Variants in USP2 observed in about 807,000 individuals in gnomAD.
USP2 encodes the protein ubiquitin specific peptidase 2.
USP2 carries 33 observed loss-of-function variants against 72.0 expected under a neutral mutation model. The observed-to-expected ratio is 0.46, with a 90% CI of 0.35 to 0.61. The LOEUF (loss-of-function observed/expected upper bound fraction) is 0.61. Among genes scored for constraint, USP2 ranks in the 20% least tolerant of loss-of-function variants. The probability of loss-of-function intolerance (pLI) is 0.01; values close to 1 mark genes in which losing one functional copy is unlikely to be tolerated. For missense variants in USP2, 691 were observed against 797.8 expected (o/e 0.87, Z 1.61); for synonymous variants, 296 against 312.5 (o/e 0.95, Z 0.56).
chr11:119,380,461 G>A (rs938328536), intron 1 of USP2, among the ~76,000 whole-genome samples: 1 of 152,134 alleles, frequency 6.6e-6, no homozygotes, highest in Non-Finnish European at 1.5e-5. Context: ...ACCTGTGGGA[G>A]GGCTCAGGAT....
intron 2 of USP2, among the ~76,000 whole-genome samples, chr11:119,371,613 C>T (rs1346716949): frequency 9.9e-5 from 15 of 152,204 alleles, no homozygotes; most frequent in Non-Finnish European, 4.4e-5. Flanking sequence ...GCCCCTATTC[C>T]TGAACCCCTG....
Position 119,373,003 on chromosome 11 carries a change from G to A in USP2, c.478C>T (p.Arg160Trp), listed in dbSNP as rs200291387. The A allele has an allele frequency of 2.9e-4, 470 of 1,613,744 alleles. 4 individuals carry two copies. Among genetic ancestry groups the A allele is most frequent in the Non-Finnish European group, 9.7e-5 (114 of 1,180,030 alleles). Residue 160 changes from arginine (R) to tryptophan (W), a missense_variant, in exon 2 of 13, where the codon CGG becomes TGG. Coordinates refer to ENST00000260187, the MANE Select transcript of USP2 (RefSeq NM_004205.5). ...FSSLRTSDSY[R>W]IDPRNLGRSP... ...CGGCCCAGGTTCCTGGGGTCTATCC[G>A]GTAGCTATCTGAGGTCCGGAGGCTG...
chr11:119,373,139 AG>A lies in USP2; in HGVS notation c.341del (p.Pro114LeufsTer4). ...TGAGGCAGTTGTTGGTCACTCCATA[AG>A]GGAATCCGCTGCCCCCGCTGAGGCC... Reference protein sequence around the residue: ...GSGLSGGSGFPYGVTNNCLSY... With the variant: ...GSGLSGGSGFXYGVTNNCLSY... On this transcript the variant is annotated frameshift_variant, in exon 2 of 13. Transcript: ENST00000260187. LOFTEE classifies it high-confidence loss of function. 1 of 1,614,104 alleles carries A rather than the reference AG, an allele frequency of 6.2e-7. No individual in the cohort carries two copies.
At chr11:119,358,118 G>T (rs1247670168) in intron 8 of USP2, 31 bp downstream of exon 8, 2 of 1,614,008 alleles carry the variant, frequency 1.2e-6, no homozygotes, top group African/African-American at 2.7e-5. Context: ...AGGAGAGGGA[G>T]TTCAACAAGG....
intron 2 of USP2, among the ~76,000 whole-genome samples, chr11:119,364,805 G>A (rs892028976): frequency 6.6e-6 from 1 of 152,152 alleles, no homozygotes; most frequent in Admixed American, 6.5e-5. Flanking sequence ...TTCAAGAGAG[G>A]CAGTGCTCAT....
In USP2 at chr11:119,357,608, C is replaced by T. The variant is rs761408180; in HGVS notation, c.1502-18G>A. The T allele has an allele frequency of 1.9e-6, 3 of 1,614,092 alleles. No individual in the cohort carries two copies. The Admixed American group carries it at 5.0e-5, about 27-fold the overall frequency. Reference sequence around the variant, plus strand: ...CTTCAGATCTGGCATTGACGTGAGTCAAGGATAGTCAAACCAATGCAGAAG... The same window carrying T: ...CTTCAGATCTGGCATTGACGTGAGTTAAGGATAGTCAAACCAATGCAGAAG... On this transcript the variant is annotated intron_variant, in intron 10 of 12. Coordinates refer to ENST00000260187, the MANE Select transcript of USP2 (RefSeq NM_004205.5).
At chr11:119,363,903 G>C in intron 2 of USP2, 1 of 1,369,008 alleles carries the variant, frequency 7.3e-7, no homozygotes. Flanking sequence ...GGGACGGGGA[G>C]AGAGGGGAGC....
intron 2 of USP2, chr11:119,363,907 G>A: frequency 1.5e-6 from 2 of 1,357,866 alleles, no homozygotes; most frequent in African/African-American, 1.5e-5. Flanking sequence ...CGGGGAGAGA[G>A]GGGAGCGCGG....
intron 2 of USP2, chr11:119,364,109 G>A (rs1950812565): frequency 3.3e-6 from 4 of 1,226,696 alleles, no homozygotes; most frequent in African/African-American, 1.6e-5. Flanking sequence ...GACCGCTACA[G>A]GACAGCGTCC....
Position 119,356,850 on chromosome 11 carries a change from C to T in USP2, c.1803G>A (p.Pro601=), listed in dbSNP as rs1158675949. The change falls in exon 13 of 13, where the codon CCG becomes CCA. Residue 601 remains proline, a synonymous_variant. Transcript: ENST00000260187. ...AYLLFYELAS[P]PSRM is the part of the protein sequence containing the mutation. ...GCTCCTGGCGCTACATTCGGGAGGGCGGGCTGGCCAGTTCGTAGAAGAGCA... is the reference window on the plus strand; with the variant it reads ...GCTCCTGGCGCTACATTCGGGAGGGTGGGCTGGCCAGTTCGTAGAAGAGCA... 1.3e-6 allele frequency: 2 copies of T among 1,564,308 alleles called. No individual in the cohort carries two copies. Among genetic ancestry groups the T allele is most frequent in the Non-Finnish European group, 1.7e-6 (2 of 1,154,670 alleles).
At position 119,372,967 on chromosome 11, in the gene USP2, G is replaced by C. The variant is rs1334213930; in HGVS notation, c.514C>G (p.Leu172Val). The change falls in exon 2 of 13, where the codon CTG becomes GTG. Residue 172 changes from leucine to valine, a missense_variant. Transcript: ENST00000260187. ...CAGAGCTCCTTGCGCGTCCGGGCCA[G>C]CATGGGGCTGCGGCCCAGGTTCCTG... ...DPRNLGRSPMLARTRKELCTL... is the reference protein window; with the variant it reads ...DPRNLGRSPMVARTRKELCTL... 1 of 1,613,816 alleles carries C rather than the reference G, an allele frequency of 6.2e-7. No homozygotes were observed. The highest frequency in any genetic ancestry group is 1.1e-5 in the South Asian group (1 of 91,088).
intron 1 of USP2, among the ~76,000 whole-genome samples, chr11:119,380,050 G>T (rs1023653805): frequency 6.6e-6 from 1 of 151,092 alleles, no homozygotes; most frequent in South Asian, 2.1e-4. Context: ...GAGTAGCTGG[G>T]ACTACAGGCT....
chr11:119,356,972 C>G, intron 12 of USP2, 50 bp from the exon 13 acceptor site: 8 of 1,542,040 alleles, frequency 5.2e-6, no homozygotes, highest in Non-Finnish European at 7.0e-6. Context: ...CCGGGAGACC[C>G]CCCGCCGGCT....
rs768101363 is a variant in USP2, at chr11:119,358,976, C to T, written c.1172+48G>A. On this transcript the variant is annotated intron_variant, in intron 6 of 12. Transcript: ENST00000260187. ...ACCCCAAAGTGGTGGGTAAAAATCT[C>T]GAGTTCACAAAAGTTTTGCTTTCCC... 1.3e-5 allele frequency: 21 copies of T among 1,600,928 alleles called. No individual in the cohort carries two copies. In the East Asian group the frequency reaches 1.3e-4, roughly 10 times the overall value.
Position 119,355,837 on chromosome 11 carries a change from C to G in USP2, c.*998G>C, listed in dbSNP as rs997330407. The G allele has an allele frequency of 6.6e-6, 1 of 152,142 alleles. No homozygotes were observed. The highest frequency in any genetic ancestry group is 1.9e-4 in the East Asian group (1 of 5,186). 9.4% of individuals were successfully genotyped at this position (152,142 alleles called of 1,614,324 possible). A position where few individuals can be genotyped will look rare whatever the true frequency, so the allele number is the denominator to read the frequency against. The stretch of plus-strand genomic sequence containing the variant: ...GGGCGGGAAGAACTTGATGCCCTGT[C>G]GGAAGGAATCTACCTGCTTTCTTCT... On this transcript the variant is annotated 3_prime_UTR_variant, in exon 13 of 13. Coordinates refer to ENST00000260187, the MANE Select transcript of USP2 (RefSeq NM_004205.5).
intron 1 of USP2, chr11:119,380,728 A>T (rs1453549588): frequency 6.4e-6 from 1 of 155,608 alleles, no homozygotes; most frequent in African/African-American, 2.4e-5. Context: ...CATCTACAGC[A>T]TCAAAGGAGG....
chr11:119,379,983 T>C (rs1035271041), intron 1 of USP2, among the ~76,000 whole-genome samples: 10 of 149,668 alleles, frequency 6.7e-5, no homozygotes, highest in East Asian at 2.0e-4. Flanking sequence ...GGCGCGATCT[T>C]GGCTCACTGC....
At chr11:119,376,503 G>A in intron 1 of USP2, 1 of 775,250 alleles carries the variant, frequency 1.3e-6, no homozygotes, top group Non-Finnish European at 1.6e-6. Flanking sequence ...GCAAGTACAG[G>A]CATGCAGCTC....
At chr11:119,358,989 GTTTT>G in intron 6 of USP2, 31 bp downstream of exon 6, 3 of 1,608,780 alleles carry the variant, frequency 1.9e-6, no homozygotes, top group Non-Finnish European at 2.6e-6. Context: ...GTTCACAAAA[GTTTT>G]GCTTTCCCAC....
Sources: allele counts gnomAD v4.1 joint callset (sites outside exome capture counted in the v4.1 genomes callset), GRCh38; gene constraint gnomAD v4.1.1; transcripts MANE v1.5; gene names NCBI Gene and HGNC (gene_info 2026-07-23, HGNC 2026-07-21).